Variants in SETBP1 observed in about 807,000 individuals in gnomAD.
SETBP1 encodes the protein SET-binding protein.
A neutral mutation model predicts 101.0 loss-of-function variants in SETBP1; 9 were observed. The ratio of observed to expected loss-of-function variants is 0.09; its 90% CI spans 0.05 to 0.16. The LOEUF is 0.16. Ranked by LOEUF, SETBP1 falls within the 10% of genes least tolerant of loss-of-function variation. SETBP1 has a pLI of 1.00. For synonymous variants in SETBP1, 818 were observed against 788.5 expected, an observed-to-expected ratio of 1.04 and a Z score of -0.63; for missense variants, 1,858 against 2,033.8, an observed-to-expected ratio of 0.91 and a Z score of 1.66.
intron 2 of SETBP1, among the ~76,000 whole-genome samples, chr18:44,824,696 C>G (rs1214453087): frequency 1.3e-5 from 2 of 152,114 alleles, no homozygotes; most frequent in African/African-American, 4.8e-5. Flanking sequence ...GCTGTCTCCT[C>G]TTTTTCTTTT....
rs148315292 is a variant in SETBP1 at position 44,948,499 on chromosome 18, T to TGATTGATAGATAGATA, written c.541-1379_541-1378insTGATAGATAGATAGAT. Among the ~76,000 whole-genome samples, 493 of 149,852 alleles carry TGATTGATAGATAGATA rather than the reference T, an allele frequency of 3.3e-3. 2 individuals carry two copies. Among genetic ancestry groups the TGATTGATAGATAGATA allele is most frequent in the African/African-American group, 0.012 (478 of 40,502 alleles). The stretch of plus-strand genomic sequence containing the variant: ...ATAAAATGAGATATACAAAGATAGA[T>TGATTGATAGATAGATA]GATAGATAGATAGATAGATAGATAG... On this transcript the variant is annotated intron_variant, in intron 3 of 5. Transcript: ENST00000649279.
chr18:44,745,197 T>C (rs1249453128), intron 2 of SETBP1, among the ~76,000 whole-genome samples: 1 of 152,226 alleles, frequency 6.6e-6, no homozygotes, highest in African/African-American at 2.4e-5. Context: ...TTTCTTTAAA[T>C]GCTTAAGGTA....
At chr18:44,889,322 T>C (rs1181834351) in intron 3 of SETBP1, among the ~76,000 whole-genome samples, 1 of 152,166 alleles carries the variant, frequency 6.6e-6, no homozygotes, top group Non-Finnish European at 1.5e-5. Context: ...ACTCTTCCTC[T>C]AAAAGTTTGA....
chr18:44,770,928 G>C (rs181199622), intron 2 of SETBP1, among the ~76,000 whole-genome samples: 145 of 152,156 alleles, frequency 9.5e-4, no homozygotes, highest in African/African-American at 3.4e-3. Flanking sequence ...AGAACTGTGT[G>C]GCCCTTAGAA....
At chr18:44,758,558 A>G (rs946424213) in intron 2 of SETBP1, among the ~76,000 whole-genome samples, 5 of 151,156 alleles carry the variant, frequency 3.3e-5, no homozygotes, top group Admixed American at 2.6e-4. Flanking sequence ...AATTTTTTGT[A>G]TTTTTAGTAA....
chr18:44,928,732 T>C (rs1795424455), intron 3 of SETBP1, among the ~76,000 whole-genome samples: 1 of 152,260 alleles, frequency 6.6e-6, no homozygotes, highest in South Asian at 2.1e-4. Flanking sequence ...TGTCTTCTTT[T>C]GAGAAGTGTC....
chr18:44,919,676 A>G (rs2070532474), intron 3 of SETBP1, among the ~76,000 whole-genome samples: 1 of 151,422 alleles, frequency 6.6e-6, no homozygotes, highest in Non-Finnish European at 1.5e-5. Context: ...GCTTGTCCCC[A>G]TATCCTCTCT....
At chr18:45,021,833 G>C (rs1400814594) in intron 4 of SETBP1, among the ~76,000 whole-genome samples, 1 of 149,554 alleles carries the variant, frequency 6.7e-6, no homozygotes, top group Non-Finnish European at 1.5e-5. Flanking sequence ...CATGGGTTTA[G>C]GTGTCTTCTG....
rs2145596292 is a variant in SETBP1 at position 45,063,614 on chromosome 18, G to A, written c.4707G>A (p.Pro1569=). The A allele has an allele frequency of 2.0e-6, 3 of 1,508,196 alleles. No homozygotes were observed. The highest frequency in any genetic ancestry group is 1.9e-5 in the Admixed American group (1 of 53,898). The allele number at this position is 1,508,196 out of a possible 1,614,324, so 93.4% of individuals were successfully genotyped here. Residue 1569 remains proline, a synonymous_variant, in exon 6 of 6, where the codon CCG becomes CCA. Coordinates refer to ENST00000649279, the MANE Select transcript of SETBP1 (RefSeq NM_015559.3). ...APAQPPQQSP[P]QQPLPQEEEV... ...CTCAGCCCCCACAGCAGTCGCCCCC[G>A]CAGCAGCCCCTTCCCCAGGAAGAGG...
chr18:44,789,819 C>CATA (rs2071332548), intron 2 of SETBP1, among the ~76,000 whole-genome samples: 1 of 152,156 alleles, frequency 6.6e-6, no homozygotes, highest in African/African-American at 2.4e-5. Flanking sequence ...TTAGCAAAAC[C>CATA]AACCATGACA....
intron 4 of SETBP1, among the ~76,000 whole-genome samples, chr18:45,025,833 C>A (rs776553886): frequency 6.6e-6 from 1 of 152,200 alleles, no homozygotes; most frequent in South Asian, 2.1e-4. Context: ...CATGGCCAAA[C>A]TTCTACAGAT....
chr18:45,056,533 T>A (rs1348810259), intron 5 of SETBP1, among the ~76,000 whole-genome samples: 2 of 152,266 alleles, frequency 1.3e-5, no homozygotes, highest in Admixed American at 1.3e-4. Context: ...TAATGTGTTC[T>A]TTCTGCAGCT....
intron 3 of SETBP1, among the ~76,000 whole-genome samples, chr18:44,947,686 A>G (rs950906004): frequency 1.8e-4 from 27 of 152,014 alleles, no homozygotes; most frequent in Non-Finnish European, 2.8e-4. Context: ...TTGTATTTTT[A>G]GTAGGGATGA....
At chr18:44,979,421 T>C (rs1435742871) in intron 4 of SETBP1, among the ~76,000 whole-genome samples, 1 of 152,236 alleles carries the variant, frequency 6.6e-6, no homozygotes. Context: ...TTTCGTTCAG[T>C]TCGATGCTCA....
chr18:44,928,516 CA>C (rs2070754522), intron 3 of SETBP1, among the ~76,000 whole-genome samples: 1 of 152,222 alleles, frequency 6.6e-6, no homozygotes, highest in Admixed American at 6.5e-5. Context: ...CTGTCTTCCA[CA>C]ATGGTTAAAA....
intron 2 of SETBP1, among the ~76,000 whole-genome samples, chr18:44,796,016 C>T (rs1012180720): frequency 4.3e-4 from 65 of 152,130 alleles, no homozygotes; most frequent in African/African-American, 1.5e-3. Context: ...GCTCTTTCAC[C>T]AAACTAACCT....
chr18:44,973,091 A>T (rs1273184782), intron 4 of SETBP1, among the ~76,000 whole-genome samples: 1 of 152,180 alleles, frequency 6.6e-6, no homozygotes, highest in Non-Finnish European at 1.5e-5. Flanking sequence ...CATAAAGGGT[A>T]GTTGAATTTT....
intron 2 of SETBP1, among the ~76,000 whole-genome samples, chr18:44,864,618 C>T (rs1033708128): frequency 1.5e-4 from 23 of 152,050 alleles, no homozygotes; most frequent in African/African-American, 5.3e-4. Flanking sequence ...GGAACACTGC[C>T]GGGCTCCACC....
At chr18:44,957,752 C>T (rs2071521455) in intron 4 of SETBP1, among the ~76,000 whole-genome samples, 1 of 152,046 alleles carries the variant, frequency 6.6e-6, no homozygotes, top group Non-Finnish European at 1.5e-5. Flanking sequence ...AGGGAATTAG[C>T]CACGTGGATG....
Sources: allele counts gnomAD v4.1 joint callset (sites outside exome capture counted in the v4.1 genomes callset), GRCh38; gene constraint gnomAD v4.1.1; transcripts MANE v1.5; gene names NCBI Gene and HGNC (gene_info 2026-07-23, HGNC 2026-07-21).